The following KIF16B variants were observed in gnomAD, a reference collection of about 807,000 sequenced individuals.
The protein encoded by KIF16B is kinesin family member 16B.
In KIF16B, 98 loss-of-function variants were observed where a neutral mutation model predicts 156.3. That is an observed-to-expected ratio of 0.63 (90% CI 0.53 to 0.74). The LOEUF is 0.74. KIF16B is among the 30% of genes least tolerant of loss of function. The pLI is 0.00. For missense variants in KIF16B, 1,421 were observed against 1,606.5 expected (o/e 0.88, Z 1.97); for synonymous variants, 564 against 583.7 (o/e 0.97, Z 0.49).
intron 12 of KIF16B, among the ~76,000 whole-genome samples, chr20:16,431,936 A>ACACACACACACACACACACG (rs990835534): frequency 6.0e-5 from 9 of 151,094 alleles, no homozygotes; most frequent in African/African-American, 2.0e-4. Flanking sequence ...ACACACACAC[A>ACACACACACACACACACACG]CACGCACAAG....
chr20:16,424,039 T>A (rs562741354), intron 15 of KIF16B, among the ~76,000 whole-genome samples: 1 of 152,080 alleles, frequency 6.6e-6, no homozygotes, highest in Admixed American at 6.6e-5. Context: ...TACTGCTGCC[T>A]GGAAATAACC....
Position 16,528,381 on chromosome 20 carries a change from G to A in KIF16B, c.107C>T (p.Thr36Ile). 6.2e-7 allele frequency: 1 copy of A among 1,613,800 alleles called. No individual in the cohort carries two copies. The highest frequency in any genetic ancestry group is 8.5e-7 in the Non-Finnish European group (1 of 1,179,734). ...CAGGTCATGACTTGCCTTTAAGTTT[G>A]TGATTGTCGTTTTGCTTTTCTCCAT... ...IQMEKSKTTI[T>I]NLKIPEGGTG... Residue 36 changes from threonine to isoleucine, a missense_variant, in exon 2 of 26, where the codon ACA becomes ATA. Coordinates refer to ENST00000354981, the MANE Select transcript of KIF16B (RefSeq NM_024704.5).
chr20:16,502,704 G>GT (rs2068660889), intron 10 of KIF16B, among the ~76,000 whole-genome samples: 1 of 152,052 alleles, frequency 6.6e-6, no homozygotes, highest in African/African-American at 2.4e-5. Context: ...TAAATTAAAG[G>GT]TTTTTAATCT....
intron 1 of KIF16B, among the ~76,000 whole-genome samples, chr20:16,569,036 A>G (rs1050298575): frequency 6.6e-6 from 1 of 152,008 alleles, no homozygotes; most frequent in South Asian, 2.1e-4. Flanking sequence ...GAATGGGATT[A>G]GTACCCTTAT....
rs1652218714 is a variant in KIF16B at position 16,506,101 on chromosome 20, T to G, written c.789A>C (p.Gly263=). ...LAGSERADAT[G]ATGVRLKEGG... ...CTTCCTTTAGCCTAACCCCGGTGGC[T>G]CCGGTGGCATCTGCACGCTCACTTC... Residue 263 remains glycine, a synonymous_variant, in exon 8 of 26, where the codon GGA becomes GGC. Transcript: ENST00000354981. 6.2e-7 allele frequency: 1 copy of G among 1,613,930 alleles called. No homozygotes were observed. The highest frequency in any genetic ancestry group is 8.5e-7 in the Non-Finnish European group (1 of 1,179,980).
intron 1 of KIF16B, among the ~76,000 whole-genome samples, chr20:16,567,677 C>T (rs747826806): frequency 1.2e-4 from 18 of 152,132 alleles, no homozygotes; most frequent in Non-Finnish European, 1.8e-4. Context: ...AAGCATAGGG[C>T]TGGCAGCTCA....
At chr20:16,473,467 T>A (rs1412062744) in intron 12 of KIF16B, among the ~76,000 whole-genome samples, 1 of 152,178 alleles carries the variant, frequency 6.6e-6, no homozygotes, top group Admixed American at 6.5e-5. Context: ...GGAGGATACA[T>A]ATTAAACATA....
In KIF16B at chr20:16,273,248, T is replaced by G; in HGVS notation, c.*5A>C. The G allele has an allele frequency of 6.2e-7, 1 of 1,613,654 alleles. No homozygotes were observed. The highest frequency in any genetic ancestry group is 8.5e-7 in the Non-Finnish European group (1 of 1,179,654). On this transcript the variant is annotated 3_prime_UTR_variant, in exon 26 of 26. Coordinates refer to ENST00000354981, the MANE Select transcript of KIF16B (RefSeq NM_024704.5). ...GCTGTGGTGGTTCCTCCATCACCCCTGGCTCTACCCCGTCCCGTGGCTGCT... is the reference window on the plus strand; with the variant it reads ...GCTGTGGTGGTTCCTCCATCACCCCGGGCTCTACCCCGTCCCGTGGCTGCT...
At chr20:16,333,294 G>T (rs1438976350) in intron 24 of KIF16B, among the ~76,000 whole-genome samples, 1 of 152,140 alleles carries the variant, frequency 6.6e-6, no homozygotes, top group Non-Finnish European at 1.5e-5. Flanking sequence ...TCAGAAAGGT[G>T]TGCCTGGTCT....
At chr20:16,434,145 A>G (rs1269446275) in intron 12 of KIF16B, among the ~76,000 whole-genome samples, 1 of 152,208 alleles carries the variant, frequency 6.6e-6, no homozygotes, top group African/African-American at 2.4e-5. Flanking sequence ...AACATTTACA[A>G]ATGATATGCT....
chr20:16,538,606 C>T (rs6044095), intron 1 of KIF16B, among the ~76,000 whole-genome samples: 54,096 of 151,432 alleles, frequency 0.36, 9,684 homozygotes, highest in African/African-American at 0.38. Flanking sequence ...GGGAGGAGGA[C>T]GAAAGGAAAG....
chr20:16,536,533 A>C (rs1160496278), intron 1 of KIF16B, among the ~76,000 whole-genome samples: 1 of 152,188 alleles, frequency 6.6e-6, no homozygotes, highest in African/African-American at 2.4e-5. Flanking sequence ...CCAGTGATGG[A>C]TATCCCAAAT....
chr20:16,390,736 C>T (rs6034467), intron 17 of KIF16B, among the ~76,000 whole-genome samples: 24,925 of 152,196 alleles, frequency 0.16, 2,729 homozygotes, highest in East Asian at 0.6. Flanking sequence ...ATACCTCTTC[C>T]CATTGGACAA....
At chr20:16,504,189 G>A (rs1048653754) in intron 10 of KIF16B, among the ~76,000 whole-genome samples, 183 bp downstream of exon 10, 6 of 152,154 alleles carry the variant, frequency 3.9e-5, no homozygotes, top group Admixed American at 1.3e-4. Context: ...CATGCAGCCC[G>A]TAATGAATGC....
intron 12 of KIF16B, among the ~76,000 whole-genome samples, chr20:16,430,547 C>T (rs2066469670): frequency 6.6e-6 from 1 of 152,154 alleles, no homozygotes; most frequent in African/African-American, 2.4e-5. Context: ...CCTTGCCTCT[C>T]CTTATAGCTA....
chr20:16,333,970 TGCTA>T (rs1359125671), intron 24 of KIF16B, among the ~76,000 whole-genome samples: 1 of 152,236 alleles, frequency 6.6e-6, no homozygotes, highest in Non-Finnish European at 1.5e-5. Context: ...ACTCTTAAAG[TGCTA>T]GCTATTATTT....
intron 17 of KIF16B, among the ~76,000 whole-genome samples, chr20:16,384,697 T>C (rs2065186333): frequency 6.6e-6 from 1 of 152,156 alleles, no homozygotes; most frequent in South Asian, 2.1e-4. Flanking sequence ...AAGCAGGAGA[T>C]GGCAGAGCAG....
chr20:16,527,751 T>C (rs1039534483), intron 2 of KIF16B, among the ~76,000 whole-genome samples: 3 of 152,076 alleles, frequency 2.0e-5, no homozygotes, highest in Non-Finnish European at 4.4e-5. Context: ...TCTGATTTCT[T>C]CAATATTAAT....
chr20:16,427,170 G>GAAC lies in KIF16B; in HGVS notation c.1545_1546insGTT (p.Ile515_Pro516insVal), dbSNP rs777037475. 1.2e-6 allele frequency: 2 copies of GAAC among 1,612,330 alleles called. No individual in the cohort carries two copies. The highest frequency in any genetic ancestry group is 2.7e-5 in the African/African-American group (2 of 74,964). ...ACAGAGCACTGGGACCCACTCAGGG[G>GAAC]TATCAGAGTCACTGTCCCCCCGATA... is the stretch of plus-strand genomic sequence containing the variant. On this transcript the variant is annotated inframe_insertion, in exon 15 of 26. Coordinates refer to ENST00000354981, the MANE Select transcript of KIF16B (RefSeq NM_024704.5).
Sources: allele counts gnomAD v4.1 joint callset (sites outside exome capture counted in the v4.1 genomes callset), GRCh38; gene constraint gnomAD v4.1.1; transcripts MANE v1.5; gene names NCBI Gene and HGNC (gene_info 2026-07-23, HGNC 2026-07-21).